PIGF: variants seen among roughly 807,000 people sequenced by gnomAD.
PIGF encodes phosphatidylinositol glycan anchor biosynthesis class F.
In PIGF, 23 loss-of-function variants were observed where a neutral mutation model predicts 26.0. That is an observed-to-expected ratio of 0.88 (90% CI 0.64 to 1.25). The LOEUF is 1.25. Among genes scored for constraint, PIGF ranks in the 50% most tolerant of loss-of-function variants. The pLI is 0.00. For missense variants in PIGF, 278 were observed against 249.9 expected (o/e 1.11, Z -0.76); for synonymous variants, 93 against 92.6 (o/e 1.00, Z -0.03).
At chr2:46,606,280 T>G (rs1211421773) in intron 4 of PIGF, among the ~76,000 whole-genome samples, 1 of 152,214 alleles carries the variant, frequency 6.6e-6, no homozygotes, top group Non-Finnish European at 1.5e-5. Flanking sequence ...ACAGGTTTTA[T>G]CAGTTTCTCA....
At chr2:46,613,947 C>A in intron 2 of PIGF, 162 bp from the exon 3 acceptor site, 1 of 600,094 alleles carries the variant, frequency 1.7e-6, no homozygotes. Context: ...CCGTCACATA[C>A]ACAGCCTTCG....
chr2:46,615,165 G>A lies in PIGF; in HGVS notation c.-1C>T, dbSNP rs1444876129. ...GTCTCTTGATATCGTTATCTTTCAT[G>A]GTGTTTTCTTGGATGGCTAGCTAAC... On this transcript the variant is annotated 5_prime_UTR_variant, in exon 2 of 6. Transcript: ENST00000281382. 3 of 1,429,458 alleles carry A rather than the reference G, an allele frequency of 2.1e-6. No individual in the cohort carries two copies. Among genetic ancestry groups the A allele is most frequent in the Non-Finnish European group, 2.0e-6 (2 of 1,017,622 alleles). 88.5% of individuals were successfully genotyped at this position (1,429,458 alleles called of 1,614,324 possible). A position where few individuals can be genotyped will look rare whatever the true frequency, so the allele number is the denominator to read the frequency against.
At chr2:46,599,915 TTTCCCTGTC>T (rs925233685) in intron 4 of PIGF, among the ~76,000 whole-genome samples, 17 of 152,180 alleles carry the variant, frequency 1.1e-4, no homozygotes, top group African/African-American at 3.9e-4. Flanking sequence ...TAGCCCCAAT[TTTCCCTGTC>T]TTGAAGCTGC....
intron 4 of PIGF, among the ~76,000 whole-genome samples, chr2:46,600,579 T>C (rs1670025930): frequency 6.6e-6 from 1 of 152,148 alleles, no homozygotes; most frequent in South Asian, 2.1e-4. Context: ...TCCCATTCTG[T>C]TTCTCAATGA....
chr2:46,601,870 A>G (rs1670067140), intron 4 of PIGF, among the ~76,000 whole-genome samples: 1 of 152,012 alleles, frequency 6.6e-6, no homozygotes, highest in Non-Finnish European at 1.5e-5. Flanking sequence ...ATTTTTGTTT[A>G]GTACTATTCA....
chr2:46,598,104 G>A (rs938617126), intron 4 of PIGF, among the ~76,000 whole-genome samples: 2 of 151,616 alleles, frequency 1.3e-5, no homozygotes, highest in African/African-American at 4.8e-5. Flanking sequence ...TGTTTGACTA[G>A]GGAATCTTTT....
intron 5 of PIGF, among the ~76,000 whole-genome samples, chr2:46,584,797 C>T (rs956816597): frequency 2.0e-5 from 3 of 151,978 alleles, no homozygotes; most frequent in East Asian, 1.9e-4. Flanking sequence ...CTTTAAGGGC[C>T]GTTTTCATGA....
chr2:46,602,094 G>A (rs1249267808), intron 4 of PIGF, among the ~76,000 whole-genome samples: 2 of 151,820 alleles, frequency 1.3e-5, no homozygotes, highest in South Asian at 2.1e-4. Flanking sequence ...TACAAACTGA[G>A]TATATTATTT....
intron 5 of PIGF, chr2:46,591,754 T>C (rs983024566): frequency 8.5e-7 from 1 of 1,180,518 alleles, no homozygotes; most frequent in Non-Finnish European, 1.1e-6. Flanking sequence ...ACATACCCTC[T>C]AGGTGTCAGT....
intron 2 of PIGF, 74 bp from the exon 3 acceptor site, chr2:46,613,859 A>C: frequency 7.9e-7 from 1 of 1,258,768 alleles, no homozygotes; most frequent in Non-Finnish European, 1.1e-6. Flanking sequence ...TTTCATCTAC[A>C]AACACAACTT....
Position 46,589,414 on chromosome 2 carries a change from G to A in PIGF, c.546+3061C>T, listed in dbSNP as rs907087019. The stretch of plus-strand genomic sequence containing the variant: ...TCCACATCACTATAATCTTATGCTT[G>A]GCCTCAGGAATGTTATACAATGGTT... On this transcript the variant is annotated intron_variant, in intron 5 of 5. Coordinates refer to ENST00000281382, the MANE Select transcript of PIGF (RefSeq NM_002643.4). The surrounding 1 kb of genome is among the most constrained non-coding windows in gnomAD (Gnocchi z 4.7). Among the ~76,000 whole-genome samples the A allele has an allele frequency of 1.3e-5, 2 of 151,768 alleles. No individual in the cohort carries two copies. The highest frequency in any genetic ancestry group is 2.9e-5 in the Non-Finnish European group (2 of 67,910).
chr2:46,608,452 T>C (rs1422586026), intron 4 of PIGF, among the ~76,000 whole-genome samples: 4 of 152,226 alleles, frequency 2.6e-5, no homozygotes, highest in African/African-American at 9.6e-5. Flanking sequence ...AATCAGCTTC[T>C]CGTCAATGTT....
chr2:46,613,914 C>G, intron 2 of PIGF, 129 bp from the exon 3 acceptor site: 1 of 745,200 alleles, frequency 1.3e-6, no homozygotes. Flanking sequence ...TGGGTATACT[C>G]AAATCAGATC....
At chr2:46,586,164 C>T (rs529158066) in intron 5 of PIGF, among the ~76,000 whole-genome samples, 9 of 152,314 alleles carry the variant, frequency 5.9e-5, no homozygotes, top group Admixed American at 4.6e-4. Flanking sequence ...ACTGGCATTA[C>T]GTTAACCATC....
chr2:46,613,689 C>T lies in PIGF; in HGVS notation c.320+5G>A, dbSNP rs750495279. ...ATAAATTTAGGGTAAAAATTTCAAA[C>T]TTACTCTATCAGTGGTGCTCCATAC... On this transcript the variant is annotated splice_donor_5th_base_variant and intron_variant, in intron 3 of 5. Transcript: ENST00000281382. 2.0e-6 allele frequency: 3 copies of T among 1,511,656 alleles called. No individual in the cohort carries two copies. Among genetic ancestry groups the T allele is most frequent in the Non-Finnish European group, 2.7e-6 (3 of 1,119,612 alleles). 93.6% of individuals were successfully genotyped at this position (1,511,656 alleles called of 1,614,324 possible). A position where few individuals can be genotyped will look rare whatever the true frequency, so the allele number is the denominator to read the frequency against.
chr2:46,589,269 T>C lies in PIGF; in HGVS notation c.546+3206A>G, dbSNP rs1669661816. 6.6e-6 allele frequency among the ~76,000 whole-genome samples: 1 copy of C among 152,058 alleles called. No homozygotes were observed. The highest frequency in any genetic ancestry group is 1.5e-5 in the Non-Finnish European group (1 of 67,912). On this transcript the variant is annotated intron_variant, in intron 5 of 5. Transcript: ENST00000281382. This position sits in a 1 kb window ranked among gnomAD's most constrained non-coding sequence, Gnocchi z 4.7. Reference sequence around the variant, plus strand: ...TGCCATTATTTAAAATCACTTAAGATTTATATTAAGTTAAAAAACTTTTAC... The same window carrying C: ...TGCCATTATTTAAAATCACTTAAGACTTATATTAAGTTAAAAAACTTTTAC...
chr2:46,593,967 T>C (rs1669801053), intron 4 of PIGF, among the ~76,000 whole-genome samples: 1 of 152,216 alleles, frequency 6.6e-6, no homozygotes, highest in South Asian at 2.1e-4. Flanking sequence ...CTTAGCTTGT[T>C]TCCATTGAGA....
In PIGF at chr2:46,615,086, G is replaced by T. The variant is rs185833649; in HGVS notation, c.79C>A (p.Pro27Thr). 4 of 1,585,816 alleles carry T rather than the reference G, an allele frequency of 2.5e-6. No homozygotes were observed. In the East Asian group the frequency reaches 6.7e-5, roughly 27 times the overall value. Residue 27 changes from proline (P) to threonine (T), a missense_variant, in exon 2 of 6, where the codon CCA (proline) becomes ACA (threonine). Transcript: ENST00000281382. ...IFSIILSVFIPSLFLENFSIL... is the reference protein window; with the variant it reads ...IFSIILSVFITSLFLENFSIL... ...GAGAAGTTCTCCAAGAAGAGTGATG[G>T]AATGAAGACACTTAGGATAATTGAA...
chr2:46,611,735 G>T (rs990956489), intron 4 of PIGF, among the ~76,000 whole-genome samples: 2 of 152,058 alleles, frequency 1.3e-5, no homozygotes, highest in Non-Finnish European at 2.9e-5. Flanking sequence ...CCAAGGAAAT[G>T]AAATCTCATA....
Sources: allele counts gnomAD v4.1 joint callset (sites outside exome capture counted in the v4.1 genomes callset), GRCh38; gene constraint gnomAD v4.1.1; non-coding constraint Gnocchi (gnomAD v3.1); transcripts MANE v1.5; gene names NCBI Gene and HGNC (gene_info 2026-07-23, HGNC 2026-07-21).